EYA4: variants seen among roughly 807,000 people sequenced by gnomAD.
The protein encoded by EYA4 is EYA transcriptional coactivator and phosphatase 4, also known as protein phosphatase EYA4.
Under a neutral mutation model 87.9 loss-of-function variants are expected in EYA4, and 31 were observed. That is an observed-to-expected ratio of 0.35 (90% CI 0.27 to 0.48). The LOEUF is 0.48. Ranked by LOEUF, EYA4 falls within the 20% of genes least tolerant of loss-of-function variation. The probability of loss-of-function intolerance (pLI) is 0.99; values close to 1 mark genes in which losing one functional copy is unlikely to be tolerated. For synonymous variants in EYA4, 263 were observed against 270.6 expected, an observed-to-expected ratio of 0.97 and a Z score of 0.28; for missense variants, 678 against 761.4, an observed-to-expected ratio of 0.89 and a Z score of 1.29.
At chr6:133,287,796 T>C (rs2128292423) in intron 2 of EYA4, among the ~76,000 whole-genome samples, 1 of 152,262 alleles carries the variant, frequency 6.6e-6, no homozygotes, top group East Asian at 1.9e-4. Flanking sequence ...GTACGAGAGA[T>C]GGCTTAGGGG....
chr6:133,338,003 C>T (rs1782504813), intron 2 of EYA4, among the ~76,000 whole-genome samples: 1 of 152,146 alleles, frequency 6.6e-6, no homozygotes, highest in Admixed American at 6.5e-5. Flanking sequence ...ACTCTGTTTT[C>T]GGCCAGATGC....
At chr6:133,405,766 A>G (rs887983829) in intron 3 of EYA4, among the ~76,000 whole-genome samples, 1 of 152,114 alleles carries the variant, frequency 6.6e-6, no homozygotes, top group Non-Finnish European at 1.5e-5. Flanking sequence ...AAAAGCAGGA[A>G]AAGAAGAGAG....
chr6:133,297,335 A>T (rs1481133557), intron 2 of EYA4, among the ~76,000 whole-genome samples: 3 of 152,188 alleles, frequency 2.0e-5, no homozygotes, highest in African/African-American at 7.2e-5. Flanking sequence ...TTGGCTTCAC[A>T]GATAGCATGA....
chr6:133,523,318 G>A, intron 18 of EYA4, 141 bp downstream of exon 18: 1 of 816,818 alleles, frequency 1.2e-6, no homozygotes, highest in Middle Eastern at 2.5e-4. Flanking sequence ...ACAACTCATT[G>A]TACATGTATG....
chr6:133,386,657 G>T (rs1786774575), intron 3 of EYA4, among the ~76,000 whole-genome samples: 1 of 152,138 alleles, frequency 6.6e-6, no homozygotes, highest in South Asian at 2.1e-4. Flanking sequence ...TTGTTAACTA[G>T]AGAGTGAATA....
intron 2 of EYA4, among the ~76,000 whole-genome samples, chr6:133,367,814 G>A (rs742300): frequency 0.09 from 13,624 of 152,166 alleles, 764 homozygotes; most frequent in East Asian, 0.15. Flanking sequence ...ATAATTAGCA[G>A]CATTGAATGA....
At chr6:133,364,229 C>T (rs1302883644) in intron 2 of EYA4, among the ~76,000 whole-genome samples, 1 of 152,162 alleles carries the variant, frequency 6.6e-6, no homozygotes, top group Non-Finnish European at 1.5e-5. Flanking sequence ...TTTGGGCTGC[C>T]ACTTGAAAAA....
intron 3 of EYA4, among the ~76,000 whole-genome samples, chr6:133,408,769 A>G (rs1001323101): frequency 2.0e-5 from 3 of 152,180 alleles, no homozygotes; most frequent in Non-Finnish European, 2.9e-5. Flanking sequence ...GTTAGTCATG[A>G]TGTCATGATT....
intron 14 of EYA4, among the ~76,000 whole-genome samples, chr6:133,509,114 C>T (rs1425189781): frequency 6.6e-6 from 1 of 152,144 alleles, no homozygotes; most frequent in African/African-American, 2.4e-5. Context: ...TAAACAAGCA[C>T]TAAAACCAAT....
chr6:133,245,951 CATCTT>C (rs1774372183), intron 1 of EYA4, among the ~76,000 whole-genome samples: 1 of 152,168 alleles, frequency 6.6e-6, no homozygotes, highest in Non-Finnish European at 1.5e-5. Flanking sequence ...TTTCTCCATC[CATCTT>C]TTTATTAGTA....
chr6:133,278,683 C>G (rs1777381223), intron 2 of EYA4, among the ~76,000 whole-genome samples: 1 of 152,078 alleles, frequency 6.6e-6, no homozygotes. Context: ...CTGCATATGA[C>G]CAAAATAAAG....
At chr6:133,484,762 A>G (rs896716415) in intron 13 of EYA4, among the ~76,000 whole-genome samples, 2 of 152,334 alleles carry the variant, frequency 1.3e-5, no homozygotes, top group South Asian at 2.1e-4. Flanking sequence ...AAAATAAACA[A>G]TCTAATAAGC....
At chr6:133,384,461 A>G (rs1786520391) in intron 3 of EYA4, among the ~76,000 whole-genome samples, 1 of 152,172 alleles carries the variant, frequency 6.6e-6, no homozygotes, top group African/African-American at 2.4e-5. Flanking sequence ...TGTAATGTAA[A>G]TGGGTAAAAT....
intron 9 of EYA4, 49 bp downstream of exon 9, chr6:133,462,813 T>C (rs1311096132): frequency 1.3e-6 from 2 of 1,534,608 alleles, no homozygotes; most frequent in Non-Finnish European, 1.8e-6. Flanking sequence ...ATTCTTTGAG[T>C]GAGACTCATT....
At chr6:133,481,047 G>GTGGAAGGGAAGATGGGAGAGGT (rs1562470423) in intron 11 of EYA4, among the ~76,000 whole-genome samples, 6 of 151,766 alleles carry the variant, frequency 4.0e-5, no homozygotes, top group African/African-American at 1.2e-4. Flanking sequence ...GATGAGAGAG[G>GTGGAAGGGAAGATGGGAGAGGT]GTTTGACTAA....
chr6:133,432,292 G>A lies in EYA4; in HGVS notation c.84-14338G>A, dbSNP rs79491602. On this transcript the variant is annotated intron_variant, in intron 3 of 19. Transcript: ENST00000355286. Reference sequence around the variant, plus strand: ...CAGTTTTGAGTTGCACTAAACACACGGCGCAAGGAGATTGGCCATAACTTC... The same window carrying A: ...CAGTTTTGAGTTGCACTAAACACACAGCGCAAGGAGATTGGCCATAACTTC... Among the ~76,000 whole-genome samples, 124 of 152,248 alleles carry A rather than the reference G, an allele frequency of 8.1e-4. No individual in the cohort carries two copies. The East Asian group carries it at 0.023, about 28-fold the overall frequency.
At chr6:133,523,232 G>A in intron 18 of EYA4, 55 bp downstream of exon 18, 2 of 1,580,866 alleles carry the variant, frequency 1.3e-6, no homozygotes, top group Non-Finnish European at 1.7e-6. Flanking sequence ...GTGTGTCTCT[G>A]CCTAGTTCCC....
chr6:133,520,909 A>G (rs1426800378), intron 17 of EYA4, among the ~76,000 whole-genome samples: 3 of 149,566 alleles, frequency 2.0e-5, no homozygotes, highest in Non-Finnish European at 4.5e-5. Flanking sequence ...CTGGCTAGCC[A>G]AATGTAGAAA....
chr6:133,336,990 T>G (rs1008859258), intron 2 of EYA4, among the ~76,000 whole-genome samples: 32 of 152,220 alleles, frequency 2.1e-4, no homozygotes, highest in African/African-American at 7.7e-4. Flanking sequence ...TAACTACAGC[T>G]GTTGGGTAAA....
Sources: allele counts gnomAD v4.1 joint callset (sites outside exome capture counted in the v4.1 genomes callset), GRCh38; gene constraint gnomAD v4.1.1; transcripts MANE v1.5; gene names NCBI Gene and HGNC (gene_info 2026-07-23, HGNC 2026-07-21).